Variants in SLC8A1 observed in about 807,000 individuals in gnomAD.
The protein encoded by SLC8A1 is solute carrier family 8 member A1.
In SLC8A1, 18 loss-of-function variants were observed where a neutral mutation model predicts 68.3. The ratio of observed to expected loss-of-function variants is 0.26; its 90% confidence interval spans 0.18 to 0.39. SLC8A1 has a LOEUF of 0.39. SLC8A1 is among the 10% of genes least tolerant of loss of function. The pLI, the probability that SLC8A1 is intolerant of heterozygous loss-of-function variation, is 1.00. For synonymous variants in SLC8A1, 475 were observed against 415.5 expected (o/e 1.14, Z -1.74); for missense variants, 985 against 1,156.7 (o/e 0.85, Z 2.15).
chr2:40,115,142 T>C (rs1248752559), exon 8 of SLC8A1: 6 of 793,322 alleles, frequency 7.6e-6, no homozygotes, highest in Non-Finnish European at 1.1e-5. Flanking sequence ...TGAAGCTGGA[T>C]TCCATCAGCA....
intron 2 of SLC8A1, among the ~76,000 whole-genome samples, chr2:40,285,932 G>C (rs116465866): frequency 1.3e-5 from 2 of 152,054 alleles, no homozygotes; most frequent in Non-Finnish European, 2.9e-5. Context: ...CTTCTGATTA[G>C]AGAATAACTG....
chr2:40,377,040 C>G (rs938763988), intron 2 of SLC8A1, among the ~76,000 whole-genome samples: 8 of 151,982 alleles, frequency 5.3e-5, no homozygotes, highest in African/African-American at 1.7e-4. Context: ...GGATGTCACT[C>G]CTAAGACTGG....
chr2:40,314,030 A>G (rs2074103168), intron 2 of SLC8A1, among the ~76,000 whole-genome samples: 1 of 152,086 alleles, frequency 6.6e-6, no homozygotes, highest in African/African-American at 2.4e-5. Context: ...AATGTTATCA[A>G]TTTTTAAAAA....
intron 2 of SLC8A1, among the ~76,000 whole-genome samples, chr2:40,351,290 T>TGGATGATACATGATTCCTGACACC (rs1671004658): frequency 1.3e-5 from 2 of 152,110 alleles, no homozygotes; most frequent in Admixed American, 1.3e-4. Context: ...AAACATGCCA[T>TGGATGATACATGATTCCTGACACC]GGATGATACA....
At chr2:40,133,528 T>G (rs2039841756) in intron 7 of SLC8A1, among the ~76,000 whole-genome samples, 1 of 151,104 alleles carries the variant, frequency 6.6e-6, no homozygotes, top group African/African-American at 2.4e-5. Flanking sequence ...ACACAGAAAA[T>G]CATACAATGC....
At chr2:40,238,138 T>G (rs1434201647) in intron 2 of SLC8A1, among the ~76,000 whole-genome samples, 1 of 152,222 alleles carries the variant, frequency 6.6e-6, no homozygotes, top group East Asian at 1.9e-4. Context: ...TCCACCCAGT[T>G]CGAGCTTCCC....
intron 2 of SLC8A1, among the ~76,000 whole-genome samples, chr2:40,234,914 G>A (rs937980886): frequency 4.9e-4 from 74 of 152,086 alleles, no homozygotes; most frequent in South Asian, 1.2e-3. Context: ...ATTGATTTGC[G>A]TATATTGAAC....
In SLC8A1 at chr2:40,164,948, T is replaced by A. The variant is rs5557; in HGVS notation, c.1967A>T (p.Glu656Val). ...TTCTGCAATGCGCCTCTCCTCTTCC[T>A]CTTTGCTGGTCAGTGGCTGCTTGTC... The change falls in exon 5 of 8, where the codon GAG becomes GTG. Residue 656 changes from glutamate (E) to valine (V), a missense_variant. Glu to Val is a moderately radical substitution (Grantham distance 121). Transcript: ENST00000406785. 1.7e-3 allele frequency: 2,675 copies of A among 1,614,008 alleles called. 5 individuals are homozygous for A. The highest frequency in any genetic ancestry group is 3.8e-3 in the South Asian group (350 of 91,088).
chr2:40,109,164 C>G (rs1422136846), exon 8 of SLC8A1: 2 of 152,138 alleles, frequency 1.3e-5, no homozygotes, highest in African/African-American at 4.8e-5. Context: ...TAATTTCTCT[C>G]TTGGTCTGTT....
chr2:40,420,373 C>T (rs57237419), intron 2 of SLC8A1, among the ~76,000 whole-genome samples: 1 of 100,212 alleles, frequency 1.0e-5, no homozygotes, highest in East Asian at 1.8e-3. Context: ...AAAAAAAAAA[C>T]AGACCAAGAA....
chr2:40,103,498 C>T (rs183923583), exon 8 of SLC8A1: 2 of 152,262 alleles, frequency 1.3e-5, no homozygotes, highest in Admixed American at 1.3e-4. Flanking sequence ...CTTTAAATAT[C>T]TTTCTGCCTG....
exon 2 of SLC8A1, chr2:40,429,162 A>G (rs755414250): frequency 6.2e-7 from 1 of 1,613,272 alleles, no homozygotes. Context: ...TGCCAGCTCC[A>G]GTCATGAGGC....
At chr2:40,115,247 G>T in exon 8 of SLC8A1, 1 of 1,594,584 alleles carries the variant, frequency 6.3e-7, no homozygotes, top group Non-Finnish European at 8.5e-7. Flanking sequence ...ATATCTGATA[G>T]TTCCTTTAGA....
At chr2:40,225,032 G>A (rs2058795554) in intron 2 of SLC8A1, among the ~76,000 whole-genome samples, 1 of 152,104 alleles carries the variant, frequency 6.6e-6, no homozygotes, top group Non-Finnish European at 1.5e-5. Flanking sequence ...TGGTTTCTTG[G>A]TTTTTCCATT....
At chr2:40,456,726 G>T (rs1294255531), upstream of SLC8A1, among the ~76,000 whole-genome samples, 2 of 152,124 alleles carry the variant, frequency 1.3e-5, no homozygotes, top group African/African-American at 4.8e-5. Flanking sequence ...CGATATTGCT[G>T]TTATTATTAC....
intron 2 of SLC8A1, among the ~76,000 whole-genome samples, chr2:40,273,181 T>G (rs937075286): frequency 6.6e-6 from 1 of 151,786 alleles, no homozygotes; most frequent in Admixed American, 6.6e-5. Flanking sequence ...GACCTCATGA[T>G]CCGCCTGTCT....
intron 6 of SLC8A1, among the ~76,000 whole-genome samples, chr2:40,146,212 T>C (rs2042435282): frequency 6.6e-6 from 1 of 152,174 alleles, no homozygotes; most frequent in Non-Finnish European, 1.5e-5. Context: ...ACGTGGGTCT[T>C]AGAAAATACC....
chr2:40,254,183 TAAAA>T (rs1197306197), intron 2 of SLC8A1, among the ~76,000 whole-genome samples: 1 of 114,582 alleles, frequency 8.7e-6, no homozygotes, highest in Non-Finnish European at 1.8e-5. Flanking sequence ...AAAATTAATA[TAAAA>T]AAAGAAAATA....
intron 2 of SLC8A1, among the ~76,000 whole-genome samples, chr2:40,327,318 T>C (rs1384998826): frequency 6.6e-6 from 1 of 152,246 alleles, no homozygotes; most frequent in Non-Finnish European, 1.5e-5. Context: ...TTGAATTGTT[T>C]TGAAAGAACT....
Sources: allele counts gnomAD v4.1 joint callset (sites outside exome capture counted in the v4.1 genomes callset), GRCh38; gene constraint gnomAD v4.1.1; transcripts MANE v1.5; gene names NCBI Gene and HGNC (gene_info 2026-07-23, HGNC 2026-07-21).